Variants in ACSBG2 observed in about 807,000 individuals in gnomAD.
ACSBG2 encodes the protein acyl-CoA synthetase bubblegum family member 2.
Under a neutral mutation model 74.7 loss-of-function variants are expected in ACSBG2, and 62 were observed. The observed-to-expected ratio is 0.83, with a 90% confidence interval of 0.68 to 1.03. The LOEUF (loss-of-function observed/expected upper bound fraction) is 1.03. Ranked by LOEUF, ACSBG2 falls within the 50% of genes least tolerant of loss-of-function variation. The pLI is 0.00. For missense variants in ACSBG2, 730 were observed against 817.6 expected (o/e 0.89, Z 1.31); for synonymous variants, 309 against 294.1 (o/e 1.05, Z -0.52).
chr19:6,190,851 A>ACACT (rs763317524), intron 14 of ACSBG2, 159 bp downstream of exon 14: 24 of 518,106 alleles, frequency 4.6e-5, no homozygotes, highest in South Asian at 2.6e-4. Context: ...ACACACACAC[A>ACACT]CTCTTAGTTG....
intron 2 of ACSBG2, among the ~76,000 whole-genome samples, chr19:6,143,867 A>C (rs535988141): frequency 7.9e-5 from 12 of 152,356 alleles, no homozygotes; most frequent in African/African-American, 2.9e-4. Flanking sequence ...TTAATTGTGC[A>C]TCTCCAATTC....
intron 1 of ACSBG2, among the ~76,000 whole-genome samples, chr19:6,136,894 C>T (rs541668827): frequency 1.3e-5 from 2 of 152,246 alleles, no homozygotes; most frequent in East Asian, 1.9e-4. Context: ...CGCACCCGGC[C>T]GATCGTGTGA....
chr19:6,152,827 G>A (rs2089285048), intron 4 of ACSBG2, among the ~76,000 whole-genome samples: 1 of 151,918 alleles, frequency 6.6e-6, no homozygotes, highest in Admixed American at 6.6e-5. Context: ...CTTCTGGATG[G>A]GATTCTCGGT....
rs757466851 is a variant in ACSBG2 at position 6,161,270 on chromosome 19, TGAA to T, written c.570_572del (p.Lys190del). 2.5e-5 allele frequency: 40 copies of T among 1,612,916 alleles called. No homozygotes were observed. Among genetic ancestry groups the T allele is most frequent in the East Asian group, 8.9e-5 (4 of 44,840 alleles). ...GCGATCATCCAGTACAGACTGCCAA[TGAA>T]GAAGAACAACAACTTGTACTCTGTA... On this transcript the variant is annotated inframe_deletion, in exon 6 of 15. Transcript: ENST00000588485.
intron 6 of ACSBG2, among the ~76,000 whole-genome samples, chr19:6,162,498 C>T (rs1347781877): frequency 1.5e-5 from 2 of 134,346 alleles, no homozygotes; most frequent in Admixed American, 1.8e-4. Flanking sequence ...ACCCAGGAGG[C>T]GGAGCTTGCA....
At chr19:6,138,126 T>C (rs149030588) in intron 1 of ACSBG2, among the ~76,000 whole-genome samples, 1 of 152,232 alleles carries the variant, frequency 6.6e-6, no homozygotes, top group African/African-American at 2.4e-5. Flanking sequence ...CACCAGACAG[T>C]GTGTTCTTTC....
intron 4 of ACSBG2, among the ~76,000 whole-genome samples, chr19:6,156,008 C>T (rs188389533): frequency 8.2e-4 from 124 of 151,620 alleles, no homozygotes; most frequent in African/African-American, 2.9e-3. Flanking sequence ...TAAAGGTGCT[C>T]AATGTCATTA....
chr19:6,144,731 G>A (rs2088967111), intron 2 of ACSBG2, among the ~76,000 whole-genome samples: 6 of 151,230 alleles, frequency 4.0e-5, no homozygotes, highest in Admixed American at 4.0e-4. Flanking sequence ...GTCTCACTCT[G>A]TCACCCAGGC....
At chr19:6,137,216 G>GC (rs1347383009) in intron 1 of ACSBG2, 1 of 146,510 alleles carries the variant, frequency 6.8e-6, no homozygotes, top group South Asian at 2.3e-4. Context: ...GGTTGGGGGG[G>GC]GGGGGGGGGC....
rs189536890 is a variant in ACSBG2, at chr19:6,180,981, T to C, written c.907-1770T>C. ...GGGAGGCCAAGGCAGGCAGATTGCT[T>C]AAGGTCAAGAGTTTAAGACCAGCCT... is the stretch of plus-strand genomic sequence containing the variant. On this transcript the variant is annotated intron_variant, in intron 8 of 14. Transcript: ENST00000588485. This position sits in a 1 kb window ranked among gnomAD's most constrained non-coding sequence, Gnocchi z 4.3. Among the ~76,000 whole-genome samples the C allele has an allele frequency of 4.2e-3, 627 of 150,462 alleles. 4 individuals carry two copies. Among genetic ancestry groups the C allele is most frequent in the Non-Finnish European group, 6.3e-3 (424 of 67,752 alleles).
chr19:6,186,974 G>GGT (rs113916022), intron 11 of ACSBG2, among the ~76,000 whole-genome samples: 2,670 of 151,314 alleles, frequency 0.018, 52 homozygotes, highest in African/African-American at 0.045. Context: ...CAGGATTACA[G>GGT]GTGTGAGCCA....
chr19:6,181,533 T>G (rs2090254990), intron 8 of ACSBG2, among the ~76,000 whole-genome samples: 1 of 152,160 alleles, frequency 6.6e-6, no homozygotes, highest in Non-Finnish European at 1.5e-5. Flanking sequence ...CTCAATAATC[T>G]TTTGAAGAGG....
rs58730661 is a variant in ACSBG2, at chr19:6,190,812, T to TACACACACACAC, written c.*35+149_*35+160dup. The TACACACACACAC allele has an allele frequency of 5.5e-3, 1,843 of 336,682 alleles. 13 individuals carry two copies. Among genetic ancestry groups the TACACACACACAC allele is most frequent in the Middle Eastern group, 7.1e-3 (7 of 980 alleles). 20.9% of individuals were successfully genotyped at this position (336,682 alleles called of 1,614,324 possible). On this transcript the variant is annotated intron_variant, in intron 14 of 14. Coordinates refer to ENST00000588485, the MANE Select transcript of ACSBG2 (RefSeq NM_030924.5). ...GAAAACACACACATACACACATACA[T>TACACACACACAC]ACACACACACACACACACACACACA...
intron 1 of ACSBG2, 31 bp downstream of exon 1, chr19:6,135,940 TTTC>T (rs1403624205): frequency 6.6e-6 from 1 of 152,338 alleles, no homozygotes; most frequent in African/African-American, 2.4e-5. Flanking sequence ...GGGCATGCGT[TTTC>T]TTTTCTTTTT....
intron 6 of ACSBG2, 26 bp downstream of exon 6, chr19:6,161,321 G>A (rs2089605130): frequency 1.3e-6 from 2 of 1,589,082 alleles, no homozygotes; most frequent in South Asian, 2.2e-5. Flanking sequence ...GGGCACTGGG[G>A]AAAGGGGAGG....
At position 6,185,472 on chromosome 19, in the gene ACSBG2, G is replaced by T. The variant is rs1366193282; in HGVS notation, c.1359G>T (p.Leu453=). The change falls in exon 11 of 15, where the codon CTG becomes CTT. Residue 453 remains leucine, a synonymous_variant. Coordinates refer to ENST00000588485, the MANE Select transcript of ACSBG2 (RefSeq NM_030924.5). ...TCTTGACTGGGTGTAAGAATATGCT[G>T]TTCCAGCAGAACAAGGATGGCATTG... ...GKILTGCKNM[L]FQQNKDGIGE... The T allele has an allele frequency of 6.2e-7, 1 of 1,614,228 alleles. No individual in the cohort carries two copies. The highest frequency in any genetic ancestry group is 8.5e-7 in the Non-Finnish European group (1 of 1,180,036).
chr19:6,160,994 G>T (rs1419125711), intron 5 of ACSBG2, among the ~76,000 whole-genome samples: 1 of 152,144 alleles, frequency 6.6e-6, no homozygotes, highest in Non-Finnish European at 1.5e-5. Context: ...CAGATACTCA[G>T]GAGGCTGAGG....
chr19:6,187,297 G>C lies in ACSBG2; in HGVS notation c.1555G>C (p.Ala519Pro). Residue 519 changes from alanine to proline, a missense_variant, in exon 12 of 15, where the codon GCT becomes CCT. Physicochemically the swap from Ala to Pro is conservative, Grantham distance 27. Transcript: ENST00000588485. Reference sequence around the variant, plus strand: ...CTCTGTTCCAGAAATCCTTATCACTGCTGGTGGTGAAAATGTGCCCCCCAT... The same window carrying C: ...CTCTGTTCCAGAAATCCTTATCACTCCTGGTGGTGAAAATGTGCCCCCCAT... ...TGHIKEILITAGGENVPPIPV... is the reference protein window; with the variant it reads ...TGHIKEILITPGGENVPPIPV... 10 of 1,614,162 alleles carry C rather than the reference G, an allele frequency of 6.2e-6. No individual in the cohort carries two copies. The highest frequency in any genetic ancestry group is 8.5e-6 in the Non-Finnish European group (10 of 1,180,024).
chr19:6,153,106 G>C (rs1301806938), intron 4 of ACSBG2, among the ~76,000 whole-genome samples: 1 of 152,058 alleles, frequency 6.6e-6, no homozygotes, highest in Non-Finnish European at 1.5e-5. Context: ...TCAGCCAGGC[G>C]TGGTGGCAGG....
Sources: gnomAD v4.1 joint callset for allele counts (sites outside exome capture counted in the v4.1 genomes callset) on GRCh38, gnomAD v4.1.1 for gene constraint, Gnocchi (gnomAD v3.1) non-coding constraint, MANE v1.5 for transcripts, NCBI Gene and HGNC (gene_info 2026-07-23, HGNC 2026-07-21) for gene names.